Variants in ZNF804A observed in about 807,000 individuals in gnomAD.
ZNF804A encodes the protein zinc finger protein 804A.
A neutral mutation model predicts 16.5 loss-of-function variants in ZNF804A; 2 were observed. The observed-to-expected ratio is 0.12, with a 90% CI of 0.05 to 0.38. The LOEUF (loss-of-function observed/expected upper bound fraction) is 0.38. Among genes scored for constraint, ZNF804A ranks in the 10% least tolerant of loss-of-function variants. The pLI is 0.99. For synonymous variants in ZNF804A, 534 were observed against 489.6 expected (o/e 1.09, Z -1.20); for missense variants, 1,473 against 1,390.7 (o/e 1.06, Z -0.94).
intron 1 of ZNF804A, among the ~76,000 whole-genome samples, chr2:184,614,143 C>T (rs1023240202): frequency 1.3e-5 from 2 of 152,104 alleles, no homozygotes; most frequent in African/African-American, 4.8e-5. Context: ...CATCTACAAC[C>T]ATCTGATCTT....
chr2:184,934,282 C>T (rs112837826), intron 3 of ZNF804A, among the ~76,000 whole-genome samples: 1 of 152,184 alleles, frequency 6.6e-6, no homozygotes, highest in African/African-American at 2.4e-5. Context: ...TAACAGTGAG[C>T]AGCTATTAGG....
chr2:184,806,696 C>T (rs1694810984), intron 1 of ZNF804A, among the ~76,000 whole-genome samples: 1 of 151,744 alleles, frequency 6.6e-6, no homozygotes, highest in Non-Finnish European at 1.5e-5. Context: ...ATGTGACATA[C>T]ATCATCCCTA....
At chr2:184,632,571 T>C (rs893349375) in intron 1 of ZNF804A, among the ~76,000 whole-genome samples, 53 of 152,128 alleles carry the variant, frequency 3.5e-4, no homozygotes, top group African/African-American at 1.3e-3. Flanking sequence ...AATTTTTGTA[T>C]TTTTTAGTAG....
chr2:184,785,958 A>C (rs1450965639), intron 1 of ZNF804A, among the ~76,000 whole-genome samples: 1 of 152,062 alleles, frequency 6.6e-6, no homozygotes, highest in Admixed American at 6.6e-5. Context: ...AGAAATGATC[A>C]ATACTTGTTA....
At chr2:184,678,085 A>C (rs556916366) in intron 1 of ZNF804A, among the ~76,000 whole-genome samples, 1 of 152,212 alleles carries the variant, frequency 6.6e-6, no homozygotes, top group Admixed American at 6.5e-5. Flanking sequence ...TAGTGAATTA[A>C]TTTAACCACA....
chr2:184,912,964 T>G (rs895587546), intron 2 of ZNF804A, among the ~76,000 whole-genome samples: 8 of 152,114 alleles, frequency 5.3e-5, no homozygotes, highest in Non-Finnish European at 1.0e-4. Flanking sequence ...TTTTCTTTTG[T>G]TGCTCATGCT....
intron 1 of ZNF804A, among the ~76,000 whole-genome samples, chr2:184,711,567 A>T (rs1181314229): frequency 6.6e-6 from 1 of 151,600 alleles, no homozygotes; most frequent in Non-Finnish European, 1.5e-5. Context: ...TGCATATTTT[A>T]AAAAATTGCT....
At chr2:184,821,935 G>GA (rs1290519944) in intron 1 of ZNF804A, among the ~76,000 whole-genome samples, 22 of 152,234 alleles carry the variant, frequency 1.4e-4, no homozygotes, top group African/African-American at 4.3e-4. Context: ...AGGTTGTGGA[G>GA]AAAAAGAAAC....
intron 1 of ZNF804A, among the ~76,000 whole-genome samples, chr2:184,628,032 T>C (rs572234930): frequency 6.6e-6 from 1 of 152,252 alleles, no homozygotes; most frequent in Non-Finnish European, 1.5e-5. Flanking sequence ...GTAAAGAATA[T>C]GGCCGGGCTC....
chr2:184,601,204 C>A (rs550257591), intron 1 of ZNF804A, among the ~76,000 whole-genome samples: 2 of 152,118 alleles, frequency 1.3e-5, no homozygotes, highest in South Asian at 4.1e-4. Flanking sequence ...TATGTGCTTT[C>A]TAGCCTTCTC....
At chr2:184,884,977 T>C (rs879718197) in intron 2 of ZNF804A, among the ~76,000 whole-genome samples, 7 of 152,048 alleles carry the variant, frequency 4.6e-5, no homozygotes, top group Non-Finnish European at 8.8e-5. Context: ...CCAGAATCTG[T>C]AAGGGAGTTA....
rs747715488 is a variant in ZNF804A, at chr2:184,819,107, A to ATTCTTC, written c.112-47261_112-47260insTCTTCT. Reference sequence around the variant, plus strand: ...GAACTCTCCACCCAAAAGTGATAGAATACACATTCTTCTCATTGCCACATG... The same window carrying ATTCTTC: ...GAACTCTCCACCCAAAAGTGATAGAATTCTTCTACACATTCTTCTCATTGCCACATG... On this transcript the variant is annotated intron_variant, in intron 1 of 3. Coordinates refer to ENST00000302277, the MANE Select transcript of ZNF804A (RefSeq NM_194250.2). Among the ~76,000 whole-genome samples the ATTCTTC allele has an allele frequency of 2.1e-3, 327 of 152,232 alleles. 1 individual carries two copies. The highest frequency in any genetic ancestry group is 6.8e-3 in the Middle Eastern group (2 of 292).
chr2:184,636,952 A>G (rs1262944528), intron 1 of ZNF804A, among the ~76,000 whole-genome samples: 1 of 152,176 alleles, frequency 6.6e-6, no homozygotes, highest in Non-Finnish European at 1.5e-5. Context: ...AGCTCAGAAT[A>G]ACTTTATCTC....
intron 1 of ZNF804A, among the ~76,000 whole-genome samples, chr2:184,737,238 T>C (rs1377533693): frequency 6.6e-6 from 1 of 151,870 alleles, no homozygotes; most frequent in Admixed American, 6.6e-5. Flanking sequence ...TTTCTATTTT[T>C]TTTTAGTAGA....
At chr2:184,669,270 T>C (rs540825174) in intron 1 of ZNF804A, among the ~76,000 whole-genome samples, 1 of 152,220 alleles carries the variant, frequency 6.6e-6, no homozygotes, top group East Asian at 1.9e-4. Flanking sequence ...TGTTGAGTCT[T>C]TAGTAATTAG....
At chr2:184,734,133 G>A (rs528084660) in intron 1 of ZNF804A, among the ~76,000 whole-genome samples, 1 of 151,960 alleles carries the variant, frequency 6.6e-6, no homozygotes, top group East Asian at 1.9e-4. Context: ...GGAGTGCAGT[G>A]GTCTGGTTGG....
In ZNF804A at chr2:184,923,843, G is replaced by A. The variant is rs535489322; in HGVS notation, c.256-9760G>A. 5.9e-5 allele frequency among the ~76,000 whole-genome samples: 9 copies of A among 152,094 alleles called. No homozygotes were observed. The South Asian group carries it at 1.9e-3, about 31-fold the overall frequency. On this transcript the variant is annotated intron_variant, in intron 2 of 3. Coordinates refer to ENST00000302277, the MANE Select transcript of ZNF804A (RefSeq NM_194250.2). ...TTGTTCTTCATCCTGTTGATATGAT[G>A]TATCACACTGATTGACTTGCCTGTG...
chr2:184,830,527 C>G (rs1476779258), intron 1 of ZNF804A, among the ~76,000 whole-genome samples: 1 of 152,070 alleles, frequency 6.6e-6, no homozygotes, highest in Non-Finnish European at 1.5e-5. Flanking sequence ...TCATTTGAGA[C>G]AGGCATTTTT....
intron 1 of ZNF804A, among the ~76,000 whole-genome samples, chr2:184,858,433 G>A (rs1491003003): frequency 1.3e-5 from 2 of 151,386 alleles, no homozygotes; most frequent in African/African-American, 2.4e-5. Flanking sequence ...GAACCTGGGA[G>A]GTGAAGTTTG....
Sources: allele counts gnomAD v4.1 joint callset (sites outside exome capture counted in the v4.1 genomes callset), GRCh38; gene constraint gnomAD v4.1.1; transcripts MANE v1.5; gene names NCBI Gene and HGNC (gene_info 2026-07-23, HGNC 2026-07-21).